Variants in CPLX1 observed in about 807,000 individuals in gnomAD.
CPLX1 encodes the protein complexin-1.
A neutral mutation model predicts 15.6 loss-of-function variants in CPLX1; 6 were observed. The ratio of observed to expected loss-of-function variants is 0.39; its 90% CI spans 0.21 to 0.76. The LOEUF is 0.76. Ranked by LOEUF, CPLX1 falls within the 30% of genes least tolerant of loss-of-function variation. The probability of loss-of-function intolerance (pLI) is 0.43; values close to 1 mark genes in which losing one functional copy is unlikely to be tolerated. For missense variants in CPLX1, 242 were observed against 188.6 expected (o/e 1.28, Z -1.66); for synonymous variants, 91 against 75.2 (o/e 1.21, Z -1.08).
intron 2 of CPLX1, among the ~76,000 whole-genome samples, chr4:815,502 GTATT>G (rs1283250233): frequency 6.6e-6 from 1 of 151,876 alleles, no homozygotes; most frequent in East Asian, 1.9e-4. Flanking sequence ...GCGCTAAGCA[GTATT>G]TACATACAGC....
intron 2 of CPLX1, among the ~76,000 whole-genome samples, chr4:808,109 A>AT (rs989771551): frequency 1.2e-4 from 19 of 152,292 alleles, no homozygotes; most frequent in African/African-American, 4.3e-4. Flanking sequence ...CCACAAAAAA[A>AT]TTATGAAAAA....
intron 2 of CPLX1, among the ~76,000 whole-genome samples, chr4:813,582 C>T (rs1028902783): frequency 6.6e-6 from 1 of 152,150 alleles, no homozygotes; most frequent in South Asian, 2.1e-4. Flanking sequence ...AGAAACTGAA[C>T]CAGAGACCCC....
intron 3 of CPLX1, chr4:787,247 G>T (rs3816682): frequency 2.0e-6 from 2 of 984,906 alleles, no homozygotes; most frequent in East Asian, 2.3e-4. Flanking sequence ...AGAGGGTCCT[G>T]GGCTGCGGTC....
At chr4:803,732 G>A (rs576676547) in intron 2 of CPLX1, among the ~76,000 whole-genome samples, 2 of 151,798 alleles carry the variant, frequency 1.3e-5, no homozygotes, top group East Asian at 1.9e-4. Context: ...GTGCAATGGC[G>A]TGATCTTGGC....
chr4:787,630 A>G (rs1746040789), intron 3 of CPLX1: 1 of 956,540 alleles, frequency 1.0e-6, no homozygotes, highest in African/African-American at 1.8e-5. Context: ...CGGGGCCGCC[A>G]GACGCAGGAA....
chr4:809,968 T>G (rs914316338), intron 2 of CPLX1, among the ~76,000 whole-genome samples: 1 of 151,950 alleles, frequency 6.6e-6, no homozygotes, highest in Admixed American at 6.6e-5. Flanking sequence ...ACGGTGTGGA[T>G]GCACACGGCT....
chr4:817,701 C>A (rs1746785071), intron 2 of CPLX1, among the ~76,000 whole-genome samples: 1 of 152,162 alleles, frequency 6.6e-6, no homozygotes, highest in Admixed American at 6.5e-5. Context: ...CTGATGACTG[C>A]AGTGACCGCC....
chr4:802,597 G>C (rs1377349522), intron 2 of CPLX1, among the ~76,000 whole-genome samples: 1 of 152,152 alleles, frequency 6.6e-6, no homozygotes, highest in South Asian at 2.1e-4. Flanking sequence ...CCAAATATTA[G>C]AAACAAGGAC....
chr4:795,738 G>C (rs1176605218), intron 2 of CPLX1, among the ~76,000 whole-genome samples: 1 of 151,516 alleles, frequency 6.6e-6, no homozygotes, highest in Non-Finnish European at 1.5e-5. Context: ...TCTGGGGAGG[G>C]AGTTCAGTCC....
At chr4:812,944 T>C (rs536373180) in intron 2 of CPLX1, among the ~76,000 whole-genome samples, 37 of 152,136 alleles carry the variant, frequency 2.4e-4, no homozygotes, top group African/African-American at 8.4e-4. Flanking sequence ...TTGACGTGCC[T>C]TTCCACAACC....
intron 2 of CPLX1, among the ~76,000 whole-genome samples, chr4:794,611 G>T (rs1481291436): frequency 1.3e-5 from 2 of 152,158 alleles, no homozygotes; most frequent in African/African-American, 4.8e-5. Context: ...TGTGGGGGAG[G>T]CAAGGACAGC....
intron 2 of CPLX1, among the ~76,000 whole-genome samples, chr4:803,503 G>A (rs977206702): frequency 6.6e-6 from 1 of 152,000 alleles, no homozygotes; most frequent in Admixed American, 6.6e-5. Context: ...CCATTCTCCC[G>A]CCTCAGCCTC....
chr4:815,631 CACACACCTCTG>C (rs1305006673), intron 2 of CPLX1, among the ~76,000 whole-genome samples: 1 of 152,126 alleles, frequency 6.6e-6, no homozygotes, highest in Non-Finnish European at 1.5e-5. Flanking sequence ...AAACATAAGA[CACACACCTCTG>C]AGTGGGGCAG....
intron 2 of CPLX1, among the ~76,000 whole-genome samples, chr4:814,615 G>A (rs538936215): frequency 1.5e-4 from 23 of 152,314 alleles, no homozygotes; most frequent in South Asian, 4.1e-4. Flanking sequence ...AAAAATCTTC[G>A]AACTTGTTTC....
chr4:809,834 G>A (rs1176600949), intron 2 of CPLX1, among the ~76,000 whole-genome samples: 1 of 145,706 alleles, frequency 6.9e-6, no homozygotes, highest in Non-Finnish European at 1.5e-5. Context: ...TTTATATAAA[G>A]GGGCACACAC....
chr4:793,872 G>C (rs549545925), intron 2 of CPLX1, among the ~76,000 whole-genome samples: 60 of 152,288 alleles, frequency 3.9e-4, no homozygotes, highest in African/African-American at 1.3e-3. Flanking sequence ...CCCATGCCTC[G>C]GGTAGAGATG....
chr4:786,943 C>G, intron 3 of CPLX1: 1 of 984,160 alleles, frequency 1.0e-6, no homozygotes, highest in Non-Finnish European at 1.2e-6. Flanking sequence ...GGGGGAGGCT[C>G]CCATCTTCCT....
intron 2 of CPLX1, among the ~76,000 whole-genome samples, chr4:796,067 G>T (rs1426441138): frequency 6.6e-6 from 1 of 152,236 alleles, no homozygotes; most frequent in African/African-American, 2.4e-5. Flanking sequence ...CAGAGCAGCC[G>T]CCCCTGAGGT....
At chr4:819,223 A>C (rs1560247162) in intron 2 of CPLX1, among the ~76,000 whole-genome samples, 1 of 152,248 alleles carries the variant, frequency 6.6e-6, no homozygotes, top group Admixed American at 6.5e-5. Context: ...CAAAAACATA[A>C]ATAACTTTGT....
Sources: gnomAD v4.1 joint callset for allele counts (sites outside exome capture counted in the v4.1 genomes callset) on GRCh38, gnomAD v4.1.1 for gene constraint, MANE v1.5 for transcripts, NCBI Gene and HGNC (gene_info 2026-07-23, HGNC 2026-07-21) for gene names.